RARS1: variants seen among roughly 807,000 people sequenced by gnomAD.
RARS1 encodes the protein arginine--tRNA ligase, cytoplasmic.
Under a neutral mutation model 78.7 loss-of-function variants are expected in RARS1, and 75 were observed. The ratio of observed to expected loss-of-function variants is 0.95; its 90% confidence interval spans 0.79 to 1.15. The LOEUF is 1.15. RARS1 is among the 50% of genes most tolerant of loss of function. The pLI is 0.00. For synonymous variants in RARS1, 273 were observed against 268.2 expected (o/e 1.02, Z -0.18); for missense variants, 787 against 787.5 (o/e 1.00, Z 0.01).
In RARS1 at chr5:168,517,881, T is replaced by G. The variant is rs2113042954; in HGVS notation, c.1692T>G (p.Ile564Met). ...MLQKAARETK[I>M]LLDHEKEWKL... ...AAAAAGCTGCTCGAGAAACCAAGAT[T>G]CTTTTGGATCATGAGAAGGAATGGA... Residue 564 changes from isoleucine (I) to methionine (M), a missense_variant, in exon 14 of 15, where the codon ATT becomes ATG. By Grantham distance (10) the Ile-to-Met change is conservative (BLOSUM62 1). Coordinates refer to ENST00000231572, the MANE Select transcript of RARS1 (RefSeq NM_002887.4). 6.2e-7 allele frequency: 1 copy of G among 1,613,804 alleles called. No homozygotes were observed.
At position 168,502,002 on chromosome 5, in the gene RARS1, G is replaced by T; in HGVS notation, c.954G>T (p.Glu318Asp). The T allele has an allele frequency of 1.3e-6, 2 of 1,583,122 alleles. No homozygotes were observed. The highest frequency in any genetic ancestry group is 1.7e-6 in the Non-Finnish European group (2 of 1,169,054). Residue 318 changes from glutamate to aspartate, a missense_variant and splice_region_variant, in exon 9 of 15, where the codon GAG (glutamate) becomes GAT (aspartate). Physicochemically the swap from Glu to Asp is conservative, Grantham distance 45. Coordinates refer to ENST00000231572, the MANE Select transcript of RARS1 (RefSeq NM_002887.4). ...GTGGCATTTTATTTTCTTCCCTAGAGTTAAATAAAATCTATGATGCATTGG... is the reference window on the plus strand; with the variant it reads ...GTGGCATTTTATTTTCTTCCCTAGATTTAAATAAAATCTATGATGCATTGG... ...WKLICDVSRQ[E>D]LNKIYDALDV...
In RARS1 at chr5:168,502,361, AAT is replaced by A. The variant is rs891831890; in HGVS notation, c.1057+279_1057+280del. 2.6e-3 allele frequency among the ~76,000 whole-genome samples: 346 copies of A among 133,556 alleles called. 4 individuals are homozygous for A. The highest frequency in any genetic ancestry group is 3.3e-3 in the East Asian group (15 of 4,502). The allele number at this position is 133,556 out of a possible 152,430, so 87.6% of individuals were successfully genotyped here. On this transcript the variant is annotated intron_variant, in intron 9 of 14. Transcript: ENST00000231572. ...AAACCGCAATATCATTATAATAACA[AAT>A]ATATATATATATATATATATATTTT...
At chr5:168,502,632 C>A (rs12187995) in intron 9 of RARS1, among the ~76,000 whole-genome samples, 27,704 of 141,876 alleles carry the variant, frequency 0.2, 2,936 homozygotes, top group Admixed American at 0.32. Context: ...AGTGCAGTGG[C>A]GTGATCTCGG....
intron 11 of RARS1, 67 bp downstream of exon 11, chr5:168,506,898 AC>A: frequency 1.6e-6 from 2 of 1,253,588 alleles, no homozygotes; most frequent in Non-Finnish European, 2.3e-6. Flanking sequence ...TTCATTTGAT[AC>A]CATATTAGAA....
At chr5:168,518,454 C>G (rs1321894611) in intron 14 of RARS1, among the ~76,000 whole-genome samples, 2 of 152,082 alleles carry the variant, frequency 1.3e-5, no homozygotes, top group East Asian at 3.9e-4. Context: ...AATCAGTCTA[C>G]TTTTCTACAA....
intron 2 of RARS1, among the ~76,000 whole-genome samples, chr5:168,490,850 A>T (rs1369741844): frequency 6.6e-6 from 1 of 152,186 alleles, no homozygotes; most frequent in Non-Finnish European, 1.5e-5. Context: ...AAAATAAAAA[A>T]TTGAGGTTGG....
At chr5:168,518,958 C>A in intron 14 of RARS1, 123 bp from the exon 15 acceptor site, 2 of 651,166 alleles carry the variant, frequency 3.1e-6, no homozygotes, top group Non-Finnish European at 5.2e-6. Context: ...TAGTTAAAAC[C>A]CAAAAACATC....
intron 7 of RARS1, among the ~76,000 whole-genome samples, chr5:168,500,325 G>A (rs1399589226): frequency 2.6e-5 from 4 of 151,434 alleles, no homozygotes; most frequent in Admixed American, 6.6e-5. Context: ...GAACACAAAA[G>A]TATTAGCTGA....
rs758884569 is a variant in RARS1, at chr5:168,517,958, A to G, written c.1769A>G (p.Asp590Gly). Residue 590 changes from aspartate to glycine, a missense_variant, in exon 14 of 15, where the codon GAT becomes GGT. Transcript: ENST00000231572. The stretch of plus-strand genomic sequence containing the variant: ...CCTGAGATTCTGCAAAAGATTTTAG[A>G]TGACTTATTTCTCCACACTCTCTGT... ...RFPEILQKILDDLFLHTLCDY... is the reference protein window; with the variant it reads ...RFPEILQKILGDLFLHTLCDY... The G allele has an allele frequency of 6.2e-7, 1 of 1,612,770 alleles. No homozygotes were observed. Among genetic ancestry groups the G allele is most frequent in the South Asian group, 1.1e-5 (1 of 91,016 alleles).
rs779915495 is a variant in RARS1, at chr5:168,506,801, C to A, written c.1316C>A (p.Ala439Asp). 6.2e-6 allele frequency: 10 copies of A among 1,613,172 alleles called. No homozygotes were observed. The South Asian group carries it at 1.1e-4, about 18-fold the overall frequency. ...CCTAAAGTAACTCGAGTCTTCCATG[C>A]TGGATTTGGTGTGGTGCTAGGGGAA... ...YDPKVTRVFHAGFGVVLGEDK... is the reference protein window; with the variant it reads ...YDPKVTRVFHDGFGVVLGEDK... The change falls in exon 11 of 15, where the codon GCT (alanine) becomes GAT (aspartate). Residue 439 changes from alanine (A) to aspartate (D), a missense_variant. Transcript: ENST00000231572.
At position 168,517,854 on chromosome 5, in the gene RARS1, C is replaced by CCAAAAAG; in HGVS notation, c.1667_1673dup (p.Ala559LysfsTer13). ...TGGCCAATATTGATGAAGAAATGCT[C>CCAAAAAG]CAAAAAGCTGCTCGAGAAACCAAGA... On this transcript the variant is annotated frameshift_variant, in exon 14 of 15. Coordinates refer to ENST00000231572, the MANE Select transcript of RARS1 (RefSeq NM_002887.4). LOFTEE classifies it high-confidence loss of function. The CCAAAAAG allele has an allele frequency of 5.0e-6, 8 of 1,604,610 alleles. No individual in the cohort carries two copies. The highest frequency in any genetic ancestry group is 6.8e-6 in the Non-Finnish European group (8 of 1,175,650).
intron 5 of RARS1, 137 bp downstream of exon 5, chr5:168,494,787 A>T: frequency 3.1e-6 from 2 of 649,730 alleles, no homozygotes; most frequent in South Asian, 1.9e-5. Flanking sequence ...TTCAAGGCTG[A>T]GGTGTGCTGT....
Position 168,509,438 on chromosome 5 carries a change from A to ACC in RARS1, c.1347-1131_1347-1130dup, listed in dbSNP as rs10533468. 2.3e-4 allele frequency among the ~76,000 whole-genome samples: 27 copies of ACC among 118,222 alleles called. 1 individual carries two copies. The highest frequency in any genetic ancestry group is 3.5e-4 in the Non-Finnish European group (20 of 57,248). The allele number at this position is 118,222 out of a possible 152,430, so 77.6% of individuals were successfully genotyped here. On this transcript the variant is annotated intron_variant, in intron 11 of 14. Coordinates refer to ENST00000231572, the MANE Select transcript of RARS1 (RefSeq NM_002887.4). ...GTTATATTTGAGGGATTTTTTAAAC[A>ACC]CCCCCCCCCCCCCACCAAAAAAAGG...
At chr5:168,489,082 A>G (rs908801974) in intron 2 of RARS1, among the ~76,000 whole-genome samples, 11 of 152,252 alleles carry the variant, frequency 7.2e-5, no homozygotes, top group Admixed American at 6.5e-4. Context: ...GTGTGGTGGC[A>G]TCATCACGGC....
chr5:168,515,352 A>G (rs1325779061), intron 12 of RARS1, among the ~76,000 whole-genome samples: 1 of 151,960 alleles, frequency 6.6e-6, no homozygotes, highest in South Asian at 2.1e-4. Flanking sequence ...ATAGGGGTCT[A>G]TGTTGTCCAG....
chr5:168,517,730 C>T (rs980051251), intron 13 of RARS1, 85 bp from the exon 14 acceptor site: 12 of 1,382,822 alleles, frequency 8.7e-6, no homozygotes, highest in Middle Eastern at 1.9e-4. Context: ...TCTTTTTAAT[C>T]GGTGATAATT....
At chr5:168,503,865 G>A (rs1485204711) in intron 9 of RARS1, among the ~76,000 whole-genome samples, 1 of 152,016 alleles carries the variant, frequency 6.6e-6, no homozygotes, top group African/African-American at 2.4e-5. Context: ...GAGGCCAGGA[G>A]TTTGAGGTCA....
At chr5:168,508,319 T>A (rs907466387) in intron 11 of RARS1, among the ~76,000 whole-genome samples, 2 of 151,942 alleles carry the variant, frequency 1.3e-5, no homozygotes, top group Non-Finnish European at 2.9e-5. Flanking sequence ...CCGCCTTTTT[T>A]TTTTTTATTT....
intron 12 of RARS1, among the ~76,000 whole-genome samples, chr5:168,511,446 T>C (rs1758561798): frequency 6.6e-6 from 1 of 151,852 alleles, no homozygotes; most frequent in Non-Finnish European, 1.5e-5. Context: ...GGTGCCACAC[T>C]CTTAAATGAC....
Sources: gnomAD v4.1 joint callset for allele counts (sites outside exome capture counted in the v4.1 genomes callset) on GRCh38, gnomAD v4.1.1 for gene constraint, MANE v1.5 for transcripts, NCBI Gene and HGNC (gene_info 2026-07-23, HGNC 2026-07-21) for gene names.